STOX2: variants seen among roughly 807,000 people sequenced by gnomAD.
STOX2 encodes the protein storkhead box 2.
A neutral mutation model predicts 60.9 loss-of-function variants in STOX2; 28 were observed. The observed-to-expected ratio is 0.46, with a 90% CI of 0.34 to 0.63. STOX2 has a LOEUF of 0.63. STOX2 is among the 30% of genes least tolerant of loss of function. STOX2 has a pLI of 0.01. For synonymous variants in STOX2, 472 were observed against 463.9 expected, an observed-to-expected ratio of 1.02 and a Z score of -0.22; for missense variants, 1,024 against 1,187.7, an observed-to-expected ratio of 0.86 and a Z score of 2.03.
At chr4:183,848,410 GC>G (rs1740034212) in intron 1 of STOX2, among the ~76,000 whole-genome samples, 1 of 152,142 alleles carries the variant, frequency 6.6e-6, no homozygotes. Flanking sequence ...GGAACAGAAA[GC>G]CCCCGTCAGA....
At chr4:183,845,654 A>G (rs1739967558) in intron 1 of STOX2, among the ~76,000 whole-genome samples, 1 of 152,182 alleles carries the variant, frequency 6.6e-6, no homozygotes. Flanking sequence ...AAAGAGAAGT[A>G]TTCTCCAGGG....
chr4:183,919,995 C>G (rs1000681816), intron 1 of STOX2, among the ~76,000 whole-genome samples: 10 of 152,028 alleles, frequency 6.6e-5, no homozygotes, highest in African/African-American at 2.4e-4. Flanking sequence ...TGCAAGGGTG[C>G]CACTGATTAA....
chr4:183,864,084 G>A (rs1312881185), intron 1 of STOX2, among the ~76,000 whole-genome samples: 1 of 151,826 alleles, frequency 6.6e-6, no homozygotes, highest in Non-Finnish European at 1.5e-5. Flanking sequence ...AGTCTGTATT[G>A]CCTAGAGTTC....
At chr4:183,909,429 C>T (rs1282822375) in intron 1 of STOX2, among the ~76,000 whole-genome samples, 1 of 152,096 alleles carries the variant, frequency 6.6e-6, no homozygotes, top group African/African-American at 2.4e-5. Flanking sequence ...TTTGTTCAGC[C>T]ATTTGGTTTA....
intron 1 of STOX2, among the ~76,000 whole-genome samples, chr4:183,932,608 G>A (rs1025622671): frequency 2.0e-5 from 3 of 152,036 alleles, no homozygotes; most frequent in African/African-American, 7.3e-5. Flanking sequence ...CCATACCAAT[G>A]TTGTTATTTA....
intron 1 of STOX2, among the ~76,000 whole-genome samples, chr4:183,977,216 C>T (rs957641743): frequency 6.6e-6 from 1 of 152,060 alleles, no homozygotes; most frequent in African/African-American, 2.4e-5. Context: ...CCCTTCTACC[C>T]TCCTACTCTG....
intron 1 of STOX2, among the ~76,000 whole-genome samples, chr4:183,859,680 G>A (rs1440162853): frequency 6.6e-6 from 1 of 152,250 alleles, no homozygotes; most frequent in Admixed American, 6.5e-5. Flanking sequence ...CTTGCATGCA[G>A]GGAACTTGTT....
At chr4:183,918,880 C>G (rs1230302525) in intron 1 of STOX2, among the ~76,000 whole-genome samples, 1 of 152,228 alleles carries the variant, frequency 6.6e-6, no homozygotes. Context: ...CCTGCACACA[C>G]CTCCTGTGAA....
At chr4:183,830,791 C>T (rs1044724228) in intron 1 of STOX2, among the ~76,000 whole-genome samples, 2 of 151,992 alleles carry the variant, frequency 1.3e-5, no homozygotes, top group Non-Finnish European at 2.9e-5. Flanking sequence ...AACAATAGGA[C>T]ACTTGTTCCG....
intron 1 of STOX2, among the ~76,000 whole-genome samples, chr4:183,961,573 T>C (rs1743414724): frequency 6.6e-6 from 1 of 152,238 alleles, no homozygotes; most frequent in African/African-American, 2.4e-5. Context: ...CATTTTTTAA[T>C]GTTTTAGATT....
At chr4:183,819,675 C>T (rs1029961491) in intron 1 of STOX2, among the ~76,000 whole-genome samples, 1 of 151,988 alleles carries the variant, frequency 6.6e-6, no homozygotes, top group African/African-American at 2.4e-5. Flanking sequence ...TTCATTGATG[C>T]ACTTAATTTT....
chr4:183,929,440 C>T (rs552424503), intron 1 of STOX2, among the ~76,000 whole-genome samples: 53 of 152,306 alleles, frequency 3.5e-4, no homozygotes, highest in African/African-American at 1.2e-3. Flanking sequence ...CTTTATATGA[C>T]ATTACGTGTA....
At chr4:183,859,788 C>T (rs529822035) in intron 1 of STOX2, among the ~76,000 whole-genome samples, 5 of 152,274 alleles carry the variant, frequency 3.3e-5, no homozygotes, top group African/African-American at 4.8e-5. Flanking sequence ...ATGATCTTAC[C>T]GAACTGAATG....
At chr4:183,998,449 G>A (rs1185903831) in intron 1 of STOX2, among the ~76,000 whole-genome samples, 1 of 152,190 alleles carries the variant, frequency 6.6e-6, no homozygotes, top group Admixed American at 6.5e-5. Context: ...TGTAGGGCCT[G>A]CGGTACGGAG....
chr4:183,956,119 A>G (rs1743240787), intron 1 of STOX2, among the ~76,000 whole-genome samples: 1 of 152,216 alleles, frequency 6.6e-6, no homozygotes, highest in African/African-American at 2.4e-5. Context: ...ACTGTATTAG[A>G]TGAAGGAATA....
chr4:183,916,665 GTA>G (rs1478047501), intron 1 of STOX2, among the ~76,000 whole-genome samples: 2 of 152,202 alleles, frequency 1.3e-5, no homozygotes, highest in Non-Finnish European at 2.9e-5. Flanking sequence ...GTATAAAACT[GTA>G]GAATCCCATC....
chr4:183,820,939 A>G (rs1471181073), intron 1 of STOX2, among the ~76,000 whole-genome samples: 1 of 132,522 alleles, frequency 7.5e-6, no homozygotes, highest in African/African-American at 4.0e-5. Flanking sequence ...CGTCTCTACA[A>G]AAAAAAAAAC....
chr4:183,948,244 A>AAC (rs1241588563), intron 1 of STOX2, among the ~76,000 whole-genome samples: 3 of 146,460 alleles, frequency 2.0e-5, no homozygotes, highest in Non-Finnish European at 3.0e-5. Flanking sequence ...AAAAAAAAAA[A>AAC]CACGAAAAAG....
At position 183,861,251 on chromosome 4, in the gene STOX2, C is replaced by T. The variant is rs80160733; in HGVS notation, c.364+63196C>T. Among the ~76,000 whole-genome samples the T allele has an allele frequency of 8.1e-4, 123 of 152,148 alleles. 2 individuals carry two copies. The East Asian group carries it at 0.022, about 28-fold the overall frequency. ...CCCCCTAGATCTCAGAAGGAGCTGC[C>T]CCCCACCACTGAGGTTCAACAAAAC... is the stretch of plus-strand genomic sequence containing the variant. On this transcript the variant is annotated intron_variant, in intron 1 of 2. Coordinates refer to the STOX2 transcript ENST00000513034.
Sources: gnomAD v4.1 joint callset for allele counts (sites outside exome capture counted in the v4.1 genomes callset) on GRCh38, gnomAD v4.1.1 for gene constraint, MANE v1.5 for transcripts, NCBI Gene and HGNC (gene_info 2026-07-23, HGNC 2026-07-21) for gene names.